CHCHD6: variants seen among roughly 807,000 people sequenced by gnomAD.
CHCHD6 encodes the protein MICOS complex subunit MIC25.
In CHCHD6, 28 loss-of-function variants were observed where a neutral mutation model predicts 32.3. The observed-to-expected ratio is 0.87, with a 90% CI of 0.64 to 1.19. The LOEUF (loss-of-function observed/expected upper bound fraction) is 1.19. Among genes scored for constraint, CHCHD6 ranks in the 50% most tolerant of loss-of-function variants. The probability of loss-of-function intolerance (pLI) is 0.00; values close to 1 mark genes in which losing one functional copy is unlikely to be tolerated. For missense variants in CHCHD6, 333 were observed against 307.0 expected, an observed-to-expected ratio of 1.08 and a Z score of -0.63; for synonymous variants, 122 against 117.5, an observed-to-expected ratio of 1.04 and a Z score of -0.25.
intron 4 of CHCHD6, among the ~76,000 whole-genome samples, chr3:126,778,293 G>GTTGGATCA (rs1937750079): frequency 6.6e-6 from 1 of 152,186 alleles, no homozygotes; most frequent in East Asian, 1.9e-4. Context: ...CTTTGCAATG[G>GTTGGATCA]AATGGTTGGA....
At chr3:126,778,005 C>G (rs1245230068) in intron 4 of CHCHD6, among the ~76,000 whole-genome samples, 1 of 152,164 alleles carries the variant, frequency 6.6e-6, no homozygotes, top group South Asian at 2.1e-4. Flanking sequence ...TCTGAACATG[C>G]CATATAAATG....
intron 4 of CHCHD6, among the ~76,000 whole-genome samples, chr3:126,784,249 A>G (rs1361103056): frequency 1.3e-5 from 2 of 152,124 alleles, no homozygotes; most frequent in African/African-American, 2.4e-5. Context: ...GAACAACAAA[A>G]GTTTTCTCTG....
chr3:126,781,250 C>T (rs902867048), intron 4 of CHCHD6, among the ~76,000 whole-genome samples: 1 of 152,148 alleles, frequency 6.6e-6, no homozygotes, highest in African/African-American at 2.4e-5. Flanking sequence ...ACCCCAGGAT[C>T]TTTATAGTCA....
At chr3:126,726,864 A>G (rs370238482) in intron 1 of CHCHD6, among the ~76,000 whole-genome samples, 5 of 152,190 alleles carry the variant, frequency 3.3e-5, no homozygotes, top group East Asian at 1.9e-4. Flanking sequence ...AGCAGGGGAC[A>G]TATATTGGTA....
intron 5 of CHCHD6, among the ~76,000 whole-genome samples, chr3:126,901,198 T>G (rs2077922282): frequency 6.6e-6 from 1 of 152,214 alleles, no homozygotes. Flanking sequence ...ACTTACTGAC[T>G]GAGAAATGTG....
chr3:126,761,359 G>A (rs545574015), intron 4 of CHCHD6, among the ~76,000 whole-genome samples: 131 of 152,206 alleles, frequency 8.6e-4, no homozygotes, highest in Middle Eastern at 3.4e-3. Flanking sequence ...TCTGTGTCCA[G>A]ATTTTCCTCT....
intron 6 of CHCHD6, among the ~76,000 whole-genome samples, chr3:126,926,225 G>C (rs931417455): frequency 6.6e-6 from 1 of 152,218 alleles, no homozygotes; most frequent in Non-Finnish European, 1.5e-5. Context: ...ATACATGGCT[G>C]CCACTTACAT....
At chr3:126,926,003 T>C (rs1385582826) in intron 6 of CHCHD6, among the ~76,000 whole-genome samples, 1 of 152,176 alleles carries the variant, frequency 6.6e-6, no homozygotes, top group Non-Finnish European at 1.5e-5. Context: ...CTGGAGGCCC[T>C]TGCCTCCGCT....
Position 126,957,505 on chromosome 3 carries a change from C to G in CHCHD6, c.656C>G (p.Ser219Trp). 6.3e-7 allele frequency: 1 copy of G among 1,593,766 alleles called. No individual in the cohort carries two copies. Among genetic ancestry groups the G allele is most frequent in the Non-Finnish European group, 8.5e-7 (1 of 1,170,412 alleles). ...RDRPHEVLLC[S>W]DLVKAYQRCV... ...CGCCCGCATGAGGTGCTGCTGTGCT[C>G]GGACCTGGTCAAGGCATACCAGCGC... Residue 219 changes from serine to tryptophan, a missense_variant, in exon 7 of 8, where the codon TCG becomes TGG. Transcript: ENST00000290913.
intron 5 of CHCHD6, among the ~76,000 whole-genome samples, chr3:126,855,829 A>G (rs1941647933): frequency 6.6e-6 from 1 of 152,198 alleles, no homozygotes; most frequent in Non-Finnish European, 1.5e-5. Flanking sequence ...GAGCCGGCAA[A>G]TGAGACATCG....
intron 5 of CHCHD6, among the ~76,000 whole-genome samples, chr3:126,909,275 C>G (rs1042006506): frequency 2.0e-5 from 3 of 152,244 alleles, no homozygotes; most frequent in African/African-American, 7.2e-5. Context: ...TGGTCCCACG[C>G]TGCTCTATAG....
At chr3:126,727,581 G>A (rs1358286470) in intron 2 of CHCHD6, among the ~76,000 whole-genome samples, 2 of 152,184 alleles carry the variant, frequency 1.3e-5, no homozygotes, top group South Asian at 2.1e-4. Context: ...CCAAGTATAG[G>A]AGAATTCCGT....
At chr3:126,719,831 G>A (rs1935193954) in intron 1 of CHCHD6, among the ~76,000 whole-genome samples, 1 of 152,140 alleles carries the variant, frequency 6.6e-6, no homozygotes, top group Non-Finnish European at 1.5e-5. Context: ...GTTTGCCTCT[G>A]GATGGGGTGC....
chr3:126,913,763 A>G (rs1303504207), intron 5 of CHCHD6, among the ~76,000 whole-genome samples: 1 of 152,214 alleles, frequency 6.6e-6, no homozygotes, highest in Admixed American at 6.5e-5. Context: ...CTGCTAGCAG[A>G]TGCGTTAATG....
intron 5 of CHCHD6, among the ~76,000 whole-genome samples, chr3:126,862,765 A>G (rs1281990038): frequency 8.6e-5 from 1 of 11,604 alleles, no homozygotes; most frequent in Non-Finnish European, 1.5e-4. Flanking sequence ...CTCCTCCACC[A>G]TCACCACCTC....
At chr3:126,936,560 C>A (rs979023797) in intron 6 of CHCHD6, among the ~76,000 whole-genome samples, 26 of 152,104 alleles carry the variant, frequency 1.7e-4, no homozygotes, top group South Asian at 1.0e-3. Context: ...GTAACTGTTT[C>A]TTTTTTTCTT....
chr3:126,811,697 T>A (rs1939661535), intron 4 of CHCHD6, among the ~76,000 whole-genome samples: 1 of 152,144 alleles, frequency 6.6e-6, no homozygotes, highest in Non-Finnish European at 1.5e-5. Flanking sequence ...GCTTATTAAA[T>A]CCCCATGGCC....
At chr3:126,885,750 C>G (rs965954198) in intron 5 of CHCHD6, among the ~76,000 whole-genome samples, 1 of 152,178 alleles carries the variant, frequency 6.6e-6, no homozygotes, top group African/African-American at 2.4e-5. Context: ...AGTGACTGTC[C>G]TGTTATTATT....
intron 4 of CHCHD6, among the ~76,000 whole-genome samples, chr3:126,804,748 A>C (rs1453832510): frequency 6.6e-6 from 1 of 152,210 alleles, no homozygotes; most frequent in Non-Finnish European, 1.5e-5. Context: ...CACAACAAAA[A>C]AAAGAGAATT....
Sources: allele counts gnomAD v4.1 joint callset (sites outside exome capture counted in the v4.1 genomes callset), GRCh38; gene constraint gnomAD v4.1.1; transcripts MANE v1.5; gene names NCBI Gene and HGNC (gene_info 2026-07-23, HGNC 2026-07-21).